SHISA9: variants seen among roughly 807,000 people sequenced by gnomAD.
SHISA9 encodes the protein shisa family member 9.
SHISA9 carries 13 observed loss-of-function variants against 38.0 expected under a neutral mutation model. The ratio of observed to expected loss-of-function variants is 0.34; its 90% CI spans 0.22 to 0.54. SHISA9 has a LOEUF of 0.54. Ranked by LOEUF, SHISA9 falls within the 20% of genes least tolerant of loss-of-function variation. SHISA9 has a pLI of 0.91. For missense variants in SHISA9, 538 were observed against 575.8 expected (o/e 0.93, Z 0.67); for synonymous variants, 275 against 242.0 (o/e 1.14, Z -1.27).
chr16:13,367,170 T>A, the SHISA9 span, among the ~76,000 whole-genome samples: 32 of 151,468 alleles, frequency 2.1e-4, no homozygotes, highest in Middle Eastern at 3.4e-3. Context: ...AGGGTGAACA[T>A]CTAAATAAAA....
the SHISA9 span, among the ~76,000 whole-genome samples, chr16:13,380,087 A>G: frequency 6.6e-6 from 1 of 152,302 alleles, no homozygotes; most frequent in Non-Finnish European, 1.5e-5. Flanking sequence ...ACGAAGATAC[A>G]GAACACAGAG....
intron 4 of SHISA9, among the ~76,000 whole-genome samples, chr16:13,226,128 A>G (rs1392013279): frequency 6.6e-6 from 1 of 152,204 alleles, no homozygotes; most frequent in African/African-American, 2.4e-5. Flanking sequence ...CAGGGACTAC[A>G]CTGCACAAAG....
chr16:13,427,728 A>T, the SHISA9 span, among the ~76,000 whole-genome samples: 1 of 152,184 alleles, frequency 6.6e-6, no homozygotes, highest in Admixed American at 6.5e-5. Context: ...AAATGAGGCA[A>T]AAAGTGGACT....
chr16:13,546,700 C>G, the SHISA9 span, among the ~76,000 whole-genome samples: 2 of 152,170 alleles, frequency 1.3e-5, no homozygotes, highest in South Asian at 2.1e-4. Context: ...TGGGCCAAAT[C>G]CAGCCCAATT....
At chr16:13,027,547 T>TATCA (rs1415838263) in intron 2 of SHISA9, among the ~76,000 whole-genome samples, 1 of 152,148 alleles carries the variant, frequency 6.6e-6, no homozygotes, top group Non-Finnish European at 1.5e-5. Context: ...ACCCAATGTC[T>TATCA]ATCAATGGGA....
chr16:13,269,752 G>A, the SHISA9 span, among the ~76,000 whole-genome samples: 2 of 152,202 alleles, frequency 1.3e-5, no homozygotes, highest in Non-Finnish European at 2.9e-5. Context: ...AATTTAGGAG[G>A]CAGTGGCTAC....
chr16:12,912,716 A>C (rs1287821714), intron 1 of SHISA9, among the ~76,000 whole-genome samples: 2 of 152,164 alleles, frequency 1.3e-5, no homozygotes, highest in East Asian at 3.9e-4. Context: ...TTGATTTCAA[A>C]GACGTTCAGG....
At chr16:12,918,309 A>G (rs1357767589) in intron 2 of SHISA9, among the ~76,000 whole-genome samples, 1 of 152,194 alleles carries the variant, frequency 6.6e-6, no homozygotes, top group Non-Finnish European at 1.5e-5. Flanking sequence ...AGTTGAACCT[A>G]GTCGTGTGCT....
At chr16:13,505,989 C>G in the SHISA9 span, among the ~76,000 whole-genome samples, 4 of 152,226 alleles carry the variant, frequency 2.6e-5, no homozygotes, top group African/African-American at 9.6e-5. Context: ...GTACCTAACT[C>G]TGTCATCTGT....
rs548446440 is a variant in SHISA9 at position 13,072,242 on chromosome 16, C to G, written c.692-131152C>G. The stretch of plus-strand genomic sequence containing the variant: ...CTGGAAATAAAGCCAGTACCCAATG[C>G]AGGTAAGCCTGCCGGATCAAAGTTA... On this transcript the variant is annotated intron_variant, in intron 2 of 4. Coordinates refer to ENST00000558583, the MANE Select transcript of SHISA9 (RefSeq NM_001145204.3). 2.1e-4 allele frequency among the ~76,000 whole-genome samples: 32 copies of G among 152,352 alleles called. No homozygotes were observed. In the South Asian group the frequency reaches 6.2e-3, roughly 30 times the overall value.
chr16:13,305,947 G>T, the SHISA9 span, among the ~76,000 whole-genome samples: 1 of 152,210 alleles, frequency 6.6e-6, no homozygotes, highest in Non-Finnish European at 1.5e-5. Context: ...GAGACTGAGA[G>T]GAATGAGAAG....
chr16:13,384,663 C>G, the SHISA9 span, among the ~76,000 whole-genome samples: 2 of 152,144 alleles, frequency 1.3e-5, no homozygotes, highest in Non-Finnish European at 2.9e-5. Context: ...TTATGTCTGG[C>G]AAGAGCGTTT....
intron 2 of SHISA9, among the ~76,000 whole-genome samples, chr16:13,080,047 T>C (rs1161407894): frequency 6.6e-6 from 1 of 152,076 alleles, no homozygotes; most frequent in African/African-American, 2.4e-5. Flanking sequence ...TTTAGGCGTC[T>C]AGAAAGCAGG....
chr16:13,129,908 T>C (rs961871442), intron 2 of SHISA9, among the ~76,000 whole-genome samples: 2 of 152,164 alleles, frequency 1.3e-5, no homozygotes, highest in African/African-American at 4.8e-5. Flanking sequence ...CCTCCACTCT[T>C]GTGAATCCCT....
At chr16:13,450,332 G>T in the SHISA9 span, among the ~76,000 whole-genome samples, 6 of 152,176 alleles carry the variant, frequency 3.9e-5, no homozygotes, top group African/African-American at 1.4e-4. Flanking sequence ...TCTAAGGCAT[G>T]GTGAGCATCT....
chr16:13,511,298 C>G, the SHISA9 span, among the ~76,000 whole-genome samples: 1 of 152,122 alleles, frequency 6.6e-6, no homozygotes, highest in East Asian at 1.9e-4. Flanking sequence ...TTATTTCAAA[C>G]AAAGAAGCGG....
chr16:13,367,735 C>CACACACAA, the SHISA9 span, among the ~76,000 whole-genome samples: 1 of 148,246 alleles, frequency 6.7e-6, no homozygotes, highest in African/African-American at 2.5e-5. Context: ...CACACACACA[C>CACACACAA]ACACACACAC....
At chr16:13,371,759 T>G in the SHISA9 span, among the ~76,000 whole-genome samples, 1 of 152,226 alleles carries the variant, frequency 6.6e-6, no homozygotes. Context: ...CGGGGAGATG[T>G]ACAGAATCAA....
chr16:12,926,909 C>A (rs2071399823), intron 2 of SHISA9, among the ~76,000 whole-genome samples: 1 of 152,122 alleles, frequency 6.6e-6, no homozygotes, highest in African/African-American at 2.4e-5. Flanking sequence ...GTACAAATTG[C>A]ATACAGGGAG....
Sources: gnomAD v4.1 joint callset for allele counts (sites outside exome capture counted in the v4.1 genomes callset) on GRCh38, gnomAD v4.1.1 for gene constraint, MANE v1.5 for transcripts, NCBI Gene and HGNC (gene_info 2026-07-23, HGNC 2026-07-21) for gene names.